KIAA1755: variants seen among roughly 807,000 people sequenced by gnomAD.
KIAA1755 encodes the protein uncharacterized protein KIAA1755.
A neutral mutation model predicts 91.7 loss-of-function variants in KIAA1755; 68 were observed. The observed-to-expected ratio is 0.74, with a 90% CI of 0.61 to 0.91. The LOEUF is 0.91. Among genes scored for constraint, KIAA1755 ranks in the 40% least tolerant of loss-of-function variants. KIAA1755 has a pLI of 0.00. For synonymous variants in KIAA1755, 610 were observed against 604.6 expected, an observed-to-expected ratio of 1.01 and a Z score of -0.13; for missense variants, 1,535 against 1,494.4, an observed-to-expected ratio of 1.03 and a Z score of -0.45.
In KIAA1755 at chr20:38,213,328, G is replaced by A; in HGVS notation, c.3317C>T (p.Ser1106Phe). ...TCTGGGGGGCCCAGGAGGCCAATAG[G>A]ACTTTGGCAAATGGTCCATGCCCAG... ...DSLGMDHLPK[S>F]YWPPGPPRGE... Residue 1106 changes from serine (S) to phenylalanine (F), a missense_variant, in exon 14 of 14, where the codon TCC becomes TTC. Transcript: ENST00000279024. The A allele has an allele frequency of 6.2e-7, 1 of 1,612,842 alleles. No individual in the cohort carries two copies. The highest frequency in any genetic ancestry group is 8.5e-7 in the Non-Finnish European group (1 of 1,179,360).
In KIAA1755 at chr20:38,241,913, C is replaced by T. The variant is rs116939237; in HGVS notation, c.218G>A (p.Cys73Tyr). The change falls in exon 3 of 14, where the codon TGC (cysteine) becomes TAC (tyrosine). Residue 73 changes from cysteine to tyrosine, a missense_variant. Cys to Tyr is a radical substitution (Grantham distance 194, BLOSUM62 -2). Coordinates refer to ENST00000279024, the MANE Select transcript of KIAA1755 (RefSeq NM_001029864.2). ...REAACAPYSH[C>Y]LFLHEGWPLC... Reference sequence around the variant, plus strand: ...TGGCCAGCCCTCGTGTAAGAAGAGGCAGTGTGAGTAGGGAGCCTGTGGAGA... The same window carrying T: ...TGGCCAGCCCTCGTGTAAGAAGAGGTAGTGTGAGTAGGGAGCCTGTGGAGA... The T allele has an allele frequency of 2.0e-3, 3,215 of 1,612,708 alleles. 5 individuals are homozygous for T. The highest frequency in any genetic ancestry group is 2.6e-3 in the Non-Finnish European group (3,094 of 1,179,552).
At chr20:38,223,155 G>C (rs2075692414) in intron 9 of KIAA1755, 1 of 196,088 alleles carries the variant, frequency 5.1e-6, no homozygotes, top group Admixed American at 6.0e-5. Context: ...ACAAAGGCAG[G>C]CTCCTTCTCA....
In KIAA1755 at chr20:38,225,811, G is replaced by T. The variant is rs2075747480; in HGVS notation, c.2053-30C>A. On this transcript the variant is annotated intron_variant, in intron 7 of 13. Transcript: ENST00000279024. ...AGACCAAAGAATCAGGAGAACCAGG[G>T]ACTCAAAGTGAGGACAGTCATTTTA... 2.9e-6 allele frequency: 4 copies of T among 1,357,970 alleles called. No individual in the cohort carries two copies. The East Asian group carries it at 7.3e-5, about 25-fold the overall frequency. 84.1% of individuals were successfully genotyped at this position (1,357,970 alleles called of 1,614,324 possible).
Position 38,213,810 on chromosome 20 carries a change from A to G in KIAA1755, c.2902-67T>C, listed in dbSNP as rs1326010374. 11 of 1,151,984 alleles carry G rather than the reference A, an allele frequency of 9.5e-6. No individual in the cohort carries two copies. In the Admixed American group the frequency reaches 1.5e-4, roughly 15 times the overall value. 71.4% of individuals were successfully genotyped at this position (1,151,984 alleles called of 1,614,324 possible). On this transcript the variant is annotated intron_variant, in intron 13 of 13. Coordinates refer to ENST00000279024, the MANE Select transcript of KIAA1755 (RefSeq NM_001029864.2). ...AGTGGGACCATGGAGGACTGAATTA[A>G]TAAGTGCCCAATGCCAGGGCCCCGC...
intron 1 of KIAA1755, among the ~76,000 whole-genome samples, chr20:38,254,120 G>A (rs2076298113): frequency 6.6e-6 from 1 of 152,162 alleles, no homozygotes; most frequent in South Asian, 2.1e-4. Context: ...CCTGACCTCA[G>A]GTGATCCACC....
At chr20:38,243,958 A>G (rs2076111125) in intron 2 of KIAA1755, among the ~76,000 whole-genome samples, 1 of 152,136 alleles carries the variant, frequency 6.6e-6, no homozygotes, top group African/African-American at 2.4e-5. Context: ...AAACTCAGAG[A>G]GGTGGCATGG....
intron 2 of KIAA1755, among the ~76,000 whole-genome samples, chr20:38,244,412 A>C (rs911274779): frequency 6.6e-6 from 1 of 152,162 alleles, no homozygotes; most frequent in Non-Finnish European, 1.5e-5. Flanking sequence ...CTAACCCTGG[A>C]CTTTTAGCTG....
intron 4 of KIAA1755, among the ~76,000 whole-genome samples, chr20:38,238,916 C>G (rs2123215264): frequency 6.6e-6 from 1 of 152,322 alleles, no homozygotes; most frequent in Non-Finnish European, 1.5e-5. Flanking sequence ...CACAGATGCC[C>G]CCTCTCTGAA....
rs2075745766 is a variant in KIAA1755, at chr20:38,225,746, G to A, written c.2088C>T (p.His696=). The A allele has an allele frequency of 6.3e-7, 1 of 1,599,170 alleles. No homozygotes were observed. The highest frequency in any genetic ancestry group is 1.3e-5 in the African/African-American group (1 of 74,344). ...CGGGCAGCTGGCTGGGGTCCACATG[G>A]TGGCTGAGGGCCTTCAATGAGGTCA... is the stretch of plus-strand genomic sequence containing the variant. ...EVLTSLKALS[H]HVDPSQLPAV... Residue 696 remains histidine, a synonymous_variant, in exon 8 of 14, where the codon CAC becomes CAT. Coordinates refer to ENST00000279024, the MANE Select transcript of KIAA1755 (RefSeq NM_001029864.2).
At chr20:38,215,320 A>G (rs1268344179) in intron 13 of KIAA1755, among the ~76,000 whole-genome samples, 2 of 152,130 alleles carry the variant, frequency 1.3e-5, no homozygotes, top group Non-Finnish European at 2.9e-5. Context: ...CCACCTCCAC[A>G]CAGGCCATCC....
rs561687250 is a variant in KIAA1755, at chr20:38,248,900, G to T, written c.4-2774C>A. On this transcript the variant is annotated intron_variant, in intron 1 of 13. Transcript: ENST00000279024. ...TTTGTTTGTTTGTTTTTAAAGACAA[G>T]ATCTTGCTCTGTTGCCCAGACTGGA... Among the ~76,000 whole-genome samples, 316 of 151,484 alleles carry T rather than the reference G, an allele frequency of 2.1e-3. 1 individual carries two copies. Among genetic ancestry groups the T allele is most frequent in the African/African-American group, 7.2e-3 (296 of 41,224 alleles).
At chr20:38,231,111 AT>A in intron 5 of KIAA1755, 90 bp downstream of exon 5, 1 of 1,349,996 alleles carries the variant, frequency 7.4e-7, no homozygotes, top group Non-Finnish European at 1.0e-6. Flanking sequence ...ATGGAAGGAT[AT>A]GGTGCCTCTC....
At chr20:38,222,724 AT>A in intron 9 of KIAA1755, 127 bp from the exon 10 acceptor site, 1 of 1,015,628 alleles carries the variant, frequency 9.8e-7, no homozygotes, top group Non-Finnish European at 1.5e-6. Context: ...AAAGTCTGTC[AT>A]TTCTGTCTCT....
intron 8 of KIAA1755, among the ~76,000 whole-genome samples, chr20:38,225,114 C>T (rs2075732716): frequency 6.6e-6 from 1 of 152,190 alleles, no homozygotes; most frequent in Non-Finnish European, 1.5e-5. Context: ...ATGCCTCAGC[C>T]TCCCGAGTAG....
In KIAA1755 at chr20:38,241,592, T is replaced by C. The variant is rs1157760143; in HGVS notation, c.539A>G (p.Lys180Arg). ...ATCCACAAACTCTGGGCTGGTTATC[T>C]TGGTCCAAGGCACAGGGGCAATCCC... ...ENGIAPVPWT[K>R]ITSPEFVDDR... is the part of the protein sequence containing the mutation. Residue 180 changes from lysine (K) to arginine (R), a missense_variant, in exon 3 of 14, where the codon AAG (lysine) becomes AGG (arginine). Physicochemically the swap from Lys to Arg is conservative, Grantham distance 26. Coordinates refer to ENST00000279024, the MANE Select transcript of KIAA1755 (RefSeq NM_001029864.2). 1.2e-6 allele frequency: 2 copies of C among 1,614,232 alleles called. No homozygotes were observed. Among genetic ancestry groups the C allele is most frequent in the Non-Finnish European group, 1.7e-6 (2 of 1,180,036 alleles).
intron 4 of KIAA1755, among the ~76,000 whole-genome samples, chr20:38,236,484 G>T (rs2075962637): frequency 6.6e-6 from 1 of 152,304 alleles, no homozygotes; most frequent in South Asian, 2.1e-4. Flanking sequence ...GGCTTTGGGG[G>T]CCCTCCAGGA....
chr20:38,243,021 T>G (rs1283128693), intron 2 of KIAA1755, among the ~76,000 whole-genome samples: 5 of 152,200 alleles, frequency 3.3e-5, no homozygotes, highest in African/African-American at 1.2e-4. Flanking sequence ...GCCTGTCCAC[T>G]GGGCTGTGCG....
chr20:38,256,755 A>G (rs927725618), intron 1 of KIAA1755, among the ~76,000 whole-genome samples: 7 of 152,140 alleles, frequency 4.6e-5, no homozygotes, highest in African/African-American at 1.7e-4. Flanking sequence ...GTGAGCTATG[A>G]TCATACCACT....
chr20:38,240,476 C>T (rs1011687907), intron 3 of KIAA1755, 106 bp downstream of exon 3: 4 of 1,206,302 alleles, frequency 3.3e-6, no homozygotes, highest in Admixed American at 2.7e-5. Context: ...ACCCCTGAAG[C>T]TGAGCCAGCC....
Sources: gnomAD v4.1 joint callset for allele counts (sites outside exome capture counted in the v4.1 genomes callset) on GRCh38, gnomAD v4.1.1 for gene constraint, MANE v1.5 for transcripts, NCBI Gene and HGNC (gene_info 2026-07-23, HGNC 2026-07-21) for gene names.